POLR2B: variants seen among roughly 807,000 people sequenced by gnomAD.
POLR2B encodes the protein DNA-directed RNA polymerase II subunit RPB2.
In POLR2B, 57 loss-of-function variants were observed where a neutral mutation model predicts 144.6. That is an observed-to-expected ratio of 0.39 (90% CI 0.32 to 0.49). The LOEUF (loss-of-function observed/expected upper bound fraction) is 0.49. POLR2B is among the 20% of genes least tolerant of loss of function. The probability of loss-of-function intolerance (pLI) is 0.83; values close to 1 mark genes in which losing one functional copy is unlikely to be tolerated. For missense variants in POLR2B, 595 were observed against 1,467.4 expected, an observed-to-expected ratio of 0.41 and a Z score of 9.71; for synonymous variants, 442 against 469.8, an observed-to-expected ratio of 0.94 and a Z score of 0.77.
intron 3 of POLR2B, 118 bp downstream of exon 3, chr4:56,991,016 T>A: frequency 1.5e-6 from 1 of 670,596 alleles, no homozygotes; most frequent in South Asian, 2.4e-5. Context: ...GCAAAGTACT[T>A]ACAGCACCGT....
At position 57,022,124 on chromosome 4, in the gene POLR2B, C is replaced by T. The variant is rs56099131; in HGVS notation, c.2421-28C>T. On this transcript the variant is annotated intron_variant, in intron 17 of 24. Transcript: ENST00000314595. ...AGCCCTTTTGTTAAAAGAAAATAGA[C>T]TTTACCTTTAGAACCATGTGTTTTT... 1.8e-4 allele frequency: 247 copies of T among 1,349,596 alleles called. 4 individuals carry two copies. The East Asian group carries it at 4.6e-3, about 25-fold the overall frequency. The allele number at this position is 1,349,596 out of a possible 1,614,324, so 83.6% of individuals were successfully genotyped here.
intron 16 of POLR2B, among the ~76,000 whole-genome samples, chr4:57,019,378 T>C (rs1481028698): frequency 6.6e-6 from 1 of 152,060 alleles, no homozygotes; most frequent in Non-Finnish European, 1.5e-5. Context: ...TGAAATTCTT[T>C]TTTTTTTTGT....
rs987489396 is a variant in POLR2B at position 56,985,575 on chromosome 4, C to T, written c.20-779C>T. 7 of 611,586 alleles carry T rather than the reference C, an allele frequency of 1.1e-5. No homozygotes were observed. In the African/African-American group the frequency reaches 1.4e-4, roughly 12 times the overall value. The allele number at this position is 611,586 out of a possible 1,614,324, so 37.9% of individuals were successfully genotyped here. On this transcript the variant is annotated intron_variant, in intron 1 of 24. Transcript: ENST00000314595. Reference sequence around the variant, plus strand: ...GCCACCCTGCCTGGCTAATTTTTGTCTTTTTTAGTAGAGACAGGGTTTTGC... The same window carrying T: ...GCCACCCTGCCTGGCTAATTTTTGTTTTTTTTAGTAGAGACAGGGTTTTGC...
intron 1 of POLR2B, among the ~76,000 whole-genome samples, chr4:56,980,555 A>T (rs772713322): frequency 1.3e-5 from 2 of 152,040 alleles, no homozygotes; most frequent in Non-Finnish European, 2.9e-5. Context: ...ACCCCTCTCT[A>T]TAAGAAATAG....
chr4:57,007,495 AAGAT>A (rs1474740429), intron 10 of POLR2B, among the ~76,000 whole-genome samples: 5 of 152,248 alleles, frequency 3.3e-5, no homozygotes, highest in Non-Finnish European at 5.9e-5. Flanking sequence ...TAGTATTACT[AAGAT>A]AGATTTTTGG....
chr4:56,986,451 G>T (rs1400314820), intron 2 of POLR2B, 25 bp downstream of exon 2: 1 of 1,428,120 alleles, frequency 7.0e-7, no homozygotes, highest in South Asian at 1.2e-5. Flanking sequence ...AACTGAATTA[G>T]CCTGAAAAGG....
In POLR2B at chr4:57,006,894, G is replaced by A. The variant is rs1406597071; in HGVS notation, c.1296G>A (p.Glu432=). ...ATCGAGGAAAGGATTTTAACTTGGA[G>A]TTGGCAATTAAAACACGGATCATAT... The part of the protein sequence containing the change: ...FIDRGKDFNL[E]LAIKTRIISD... The change falls in exon 10 of 25, where the codon GAG becomes GAA. Residue 432 remains glutamate (E), a synonymous_variant. Coordinates refer to ENST00000314595, the MANE Select transcript of POLR2B (RefSeq NM_000938.3). 1 of 1,613,406 alleles carries A rather than the reference G, an allele frequency of 6.2e-7. No homozygotes were observed. Among genetic ancestry groups the A allele is most frequent in the South Asian group, 1.1e-5 (1 of 91,058 alleles).
intron 17 of POLR2B, 125 bp from the exon 18 acceptor site, chr4:57,022,027 C>T (rs1723569268): frequency 3.2e-6 from 2 of 619,714 alleles, no homozygotes; most frequent in Admixed American, 6.1e-5. Context: ...AATGCAGTTA[C>T]TCTTGTCCCA....
At chr4:56,985,388 T>TCGGTGCTGTGGCGAGG in intron 1 of POLR2B, 1 of 985,170 alleles carries the variant, frequency 1.0e-6, no homozygotes, top group Non-Finnish European at 1.2e-6. Flanking sequence ...GGCGGCGGGC[T>TCGGTGCTGTGGCGAGG]CGGTGCTGTG....
In POLR2B at chr4:57,023,206, A is replaced by G; in HGVS notation, c.2516-124A>G. 1.2e-6 allele frequency: 1 copy of G among 811,338 alleles called. No homozygotes were observed. The highest frequency in any genetic ancestry group is 2.0e-6 in the Non-Finnish European group (1 of 508,822). The allele number at this position is 811,338 out of a possible 1,614,324, so 50.3% of individuals were successfully genotyped here. ...TTCAGAATAGTTTGTAATATTTGGA[A>G]TAAGGGTGTGATTCATGGTATAGAG... On this transcript the variant is annotated intron_variant, in intron 18 of 24. Transcript: ENST00000314595. This position sits in a 1 kb window ranked among gnomAD's most constrained non-coding sequence, Gnocchi z 4.3.
intron 13 of POLR2B, among the ~76,000 whole-genome samples, chr4:57,014,640 C>CT (rs1234714274): frequency 1.3e-5 from 2 of 151,510 alleles, no homozygotes; most frequent in African/African-American, 4.9e-5. Context: ...GTAGCCGGGA[C>CT]TACAGGCACC....
chr4:57,004,251 A>C (rs1454044453), intron 7 of POLR2B, among the ~76,000 whole-genome samples: 1 of 150,052 alleles, frequency 6.7e-6, no homozygotes, highest in African/African-American at 2.4e-5. Flanking sequence ...GGTCTTCACT[A>C]CGTTGGCCAG....
Position 57,023,990 on chromosome 4 carries a change from A to G in POLR2B, c.2857-15A>G. 1 of 1,470,652 alleles carries G rather than the reference A, an allele frequency of 6.8e-7. No individual in the cohort carries two copies. The highest frequency in any genetic ancestry group is 9.3e-7 in the Non-Finnish European group (1 of 1,078,516). The allele number at this position is 1,470,652 out of a possible 1,614,324, so 91.1% of individuals were successfully genotyped here. On this transcript the variant is annotated splice_polypyrimidine_tract_variant and intron_variant, in intron 20 of 24. Transcript: ENST00000314595. This position sits in a 1 kb window ranked among gnomAD's most constrained non-coding sequence, Gnocchi z 4.3. ...ATATGTATCTTTGAGTCCCTTTTAA[A>G]ATTTTTCTTTGTAGGATATGCCTTT...
chr4:57,007,126 G>C, intron 10 of POLR2B, 124 bp downstream of exon 10: 2 of 706,450 alleles, frequency 2.8e-6, no homozygotes, highest in Non-Finnish European at 2.3e-6. Context: ...AAACTACTGG[G>C]TGCCGGGTGT....
rs754414860 is a variant in POLR2B at position 56,990,918 on chromosome 4, T to TA, written c.243+21dup. The TA allele has an allele frequency of 9.4e-6, 15 of 1,597,114 alleles. No homozygotes were observed. The highest frequency in any genetic ancestry group is 1.3e-5 in the Non-Finnish European group (15 of 1,172,608). On this transcript the variant is annotated intron_variant, in intron 3 of 24. Transcript: ENST00000314595. ...GAACCGGTAAGATAGTTCTAATAGT[T>TA]ACACAGGTACAAGAAGCGTATTGGT... is the stretch of plus-strand genomic sequence containing the variant.
rs1723167745 is a variant in POLR2B at position 57,010,795 on chromosome 4, T to C, written c.1596T>C (p.Ile532=). 3 of 1,609,056 alleles carry C rather than the reference T, an allele frequency of 1.9e-6. No individual in the cohort carries two copies. In the African/African-American group the frequency reaches 4.0e-5, roughly 22 times the overall value. ...LVKNLALMAY[I]SVGSQPSPIL... Reference sequence around the variant, plus strand: ...AGAATTTAGCCTTGATGGCGTATATTTCAGTTGGATCTCAACCATCTCCAA... The same window carrying C: ...AGAATTTAGCCTTGATGGCGTATATCTCAGTTGGATCTCAACCATCTCCAA... Residue 532 remains isoleucine (I), a synonymous_variant, in exon 12 of 25, where the codon ATT becomes ATC. Coordinates refer to ENST00000314595, the MANE Select transcript of POLR2B (RefSeq NM_000938.3).
At position 57,031,048 on chromosome 4, in the gene POLR2B, G is replaced by A; in HGVS notation, c.*60G>A. ...CTTGGTGTCTTGTTTCTATTGTGTG[G>A]CTTTTTAAAAATGACAAATATGTAC... On this transcript the variant is annotated 3_prime_UTR_variant, in exon 25 of 25. Coordinates refer to ENST00000314595, the MANE Select transcript of POLR2B (RefSeq NM_000938.3). 9.2e-7 allele frequency: 1 copy of A among 1,086,932 alleles called. No individual in the cohort carries two copies. Among genetic ancestry groups the A allele is most frequent in the Non-Finnish European group, 1.4e-6 (1 of 702,606 alleles). The allele number at this position is 1,086,932 out of a possible 1,614,324, so 67.3% of individuals were successfully genotyped here. A position where few individuals can be genotyped will look rare whatever the true frequency, so the allele number is the denominator to read the frequency against.
intron 7 of POLR2B, among the ~76,000 whole-genome samples, chr4:57,004,682 C>T (rs1256996831): frequency 6.6e-6 from 1 of 152,044 alleles, no homozygotes; most frequent in African/African-American, 2.4e-5. Context: ...AAAAAAGAAA[C>T]GCACCACTCT....
At chr4:57,010,537 A>C (rs1270106973) in intron 11 of POLR2B, 33 bp downstream of exon 11, 1 of 1,592,090 alleles carries the variant, frequency 6.3e-7, no homozygotes, top group Non-Finnish European at 8.6e-7. Flanking sequence ...CAGGACAAAA[A>C]GTCAGTGGGT....
Sources: gnomAD v4.1 joint callset for allele counts (sites outside exome capture counted in the v4.1 genomes callset) on GRCh38, gnomAD v4.1.1 for gene constraint, Gnocchi (gnomAD v3.1) non-coding constraint, MANE v1.5 for transcripts, NCBI Gene and HGNC (gene_info 2026-07-23, HGNC 2026-07-21) for gene names.